FOXP1: variants seen among roughly 807,000 people sequenced by gnomAD.
FOXP1 encodes the protein forkhead box protein P1.
FOXP1 carries 15 observed loss-of-function variants against 98.2 expected under a neutral mutation model. The observed-to-expected ratio is 0.15, with a 90% CI of 0.10 to 0.24. FOXP1 has a LOEUF of 0.24. Ranked by LOEUF, FOXP1 falls within the 10% of genes least tolerant of loss-of-function variation. The pLI, the probability that FOXP1 is intolerant of heterozygous loss-of-function variation, is 1.00. For missense variants in FOXP1, 633 were observed against 848.5 expected, an observed-to-expected ratio of 0.75 and a Z score of 3.15; for synonymous variants, 371 against 314.5, an observed-to-expected ratio of 1.18 and a Z score of -1.90.
At chr3:71,342,801 T>C (rs2107788749) in intron 4 of FOXP1, among the ~76,000 whole-genome samples, 1 of 152,190 alleles carries the variant, frequency 6.6e-6, no homozygotes, top group Middle Eastern at 3.4e-3. Context: ...ACAATACCCA[T>C]ATACCCTTCA....
intron 13 of FOXP1, among the ~76,000 whole-genome samples, chr3:70,988,431 A>G (rs895879412): frequency 3.3e-5 from 5 of 152,242 alleles, no homozygotes; most frequent in African/African-American, 1.2e-4. Context: ...GCTAAAACCC[A>G]TAAATTCATC....
chr3:71,374,892 C>T (rs34269455), intron 3 of FOXP1, among the ~76,000 whole-genome samples: 17,283 of 152,160 alleles, frequency 0.11, 1,288 homozygotes, highest in African/African-American at 0.21. Context: ...ATTCTCATTC[C>T]TTCCTCTATC....
At chr3:71,125,163 G>T (rs561465024) in intron 6 of FOXP1, among the ~76,000 whole-genome samples, 1 of 152,294 alleles carries the variant, frequency 6.6e-6, no homozygotes. Context: ...GAGCTAGGGG[G>T]AGATGATGAT....
At chr3:70,984,905 G>A (rs750400534) in intron 14 of FOXP1, among the ~76,000 whole-genome samples, 5 of 152,094 alleles carry the variant, frequency 3.3e-5, no homozygotes, top group African/African-American at 1.2e-4. Flanking sequence ...CAGAAAATGC[G>A]TCTATGAGCT....
At chr3:71,225,327 C>T (rs1245765524) in intron 5 of FOXP1, among the ~76,000 whole-genome samples, 1 of 152,196 alleles carries the variant, frequency 6.6e-6, no homozygotes, top group East Asian at 1.9e-4. Context: ...TCATAAACTA[C>T]TAGTGTAGCT....
chr3:71,053,164 G>A (rs776361400), intron 8 of FOXP1, among the ~76,000 whole-genome samples: 2 of 152,078 alleles, frequency 1.3e-5, no homozygotes, highest in Admixed American at 1.3e-4. Context: ...CAGCAACATC[G>A]TATGTGGAAG....
intron 2 of FOXP1, among the ~76,000 whole-genome samples, chr3:71,556,624 C>T (rs1398857866): frequency 4.8e-5 from 7 of 144,340 alleles, no homozygotes; most frequent in Non-Finnish European, 1.1e-4. Flanking sequence ...TTAGTTTACT[C>T]AATGTTGGCC....
chr3:71,230,223 A>T (rs1245751308), intron 5 of FOXP1, among the ~76,000 whole-genome samples: 1 of 152,240 alleles, frequency 6.6e-6, no homozygotes, highest in Non-Finnish European at 1.5e-5. Flanking sequence ...CAGAGATGCC[A>T]AGCAAACTGT....
intron 1 of FOXP1, chr3:71,582,730 G>A: frequency 1.0e-6 from 1 of 985,308 alleles, no homozygotes; most frequent in Non-Finnish European, 1.2e-6. Context: ...TTGCGGACTC[G>A]TCTCGGGAAA....
At chr3:71,384,560 C>T (rs2080427397) in intron 3 of FOXP1, among the ~76,000 whole-genome samples, 1 of 152,282 alleles carries the variant, frequency 6.6e-6, no homozygotes, top group Non-Finnish European at 1.5e-5. Context: ...TGACTTAAAG[C>T]ATTATGACAA....
intron 5 of FOXP1, among the ~76,000 whole-genome samples, chr3:71,229,807 A>C (rs1378888319): frequency 6.6e-6 from 1 of 152,184 alleles, no homozygotes; most frequent in African/African-American, 2.4e-5. Context: ...TAAGGTACCC[A>C]CTGTCTAGTA....
intron 3 of FOXP1, among the ~76,000 whole-genome samples, chr3:71,406,532 C>G (rs2082362124): frequency 6.6e-6 from 1 of 151,478 alleles, no homozygotes; most frequent in South Asian, 2.1e-4. Context: ...GTGATGCTAT[C>G]TCTCAGGCTC....
intron 5 of FOXP1, among the ~76,000 whole-genome samples, chr3:71,285,543 A>T (rs2072022691): frequency 6.6e-6 from 1 of 152,210 alleles, no homozygotes; most frequent in South Asian, 2.1e-4. Flanking sequence ...TTTTCAGATG[A>T]TGCTTTTCCT....
chr3:71,204,545 T>G (rs2063891602), intron 5 of FOXP1, among the ~76,000 whole-genome samples: 3 of 152,124 alleles, frequency 2.0e-5, no homozygotes, highest in Non-Finnish European at 4.4e-5. Context: ...AGACATCACA[T>G]TTGCTAGCAT....
chr3:70,971,364 C>A, intron 18 of FOXP1: 1 of 163,890 alleles, frequency 6.1e-6, no homozygotes, highest in South Asian at 1.7e-4. Context: ...GATGTCTTAG[C>A]CAGATCTGGG....
chr3:71,559,059 C>G (rs2046356869), intron 2 of FOXP1, among the ~76,000 whole-genome samples: 1 of 152,210 alleles, frequency 6.6e-6, no homozygotes, highest in Admixed American at 6.5e-5. Flanking sequence ...CCGCCTTGGC[C>G]TCACAAAGTG....
intron 13 of FOXP1, among the ~76,000 whole-genome samples, chr3:70,989,051 C>T (rs951738327): frequency 1.3e-5 from 2 of 152,092 alleles, no homozygotes; most frequent in Non-Finnish European, 2.9e-5. Flanking sequence ...TAAGGAGGGA[C>T]TCATTAGTTC....
chr3:71,339,402 C>T (rs771032789), intron 4 of FOXP1, among the ~76,000 whole-genome samples: 1 of 152,192 alleles, frequency 6.6e-6, no homozygotes, highest in African/African-American at 2.4e-5. Flanking sequence ...CATTATCATT[C>T]CCACACTCAG....
intron 2 of FOXP1, among the ~76,000 whole-genome samples, chr3:71,562,614 A>C (rs1392937478): frequency 6.6e-6 from 1 of 152,182 alleles, no homozygotes; most frequent in Non-Finnish European, 1.5e-5. Context: ...TCCTTACAAC[A>C]ACCCAGACAG....
Sources: allele counts gnomAD v4.1 joint callset (sites outside exome capture counted in the v4.1 genomes callset), GRCh38; gene constraint gnomAD v4.1.1; transcripts MANE v1.5; gene names NCBI Gene and HGNC (gene_info 2026-07-23, HGNC 2026-07-21).